Variants in TMPRSS4 observed in about 807,000 individuals in gnomAD.
TMPRSS4 encodes transmembrane serine protease 4.
TMPRSS4 carries 45 observed loss-of-function variants against 56.4 expected under a neutral mutation model. The observed-to-expected ratio is 0.80, with a 90% confidence interval of 0.63 to 1.02. The LOEUF (loss-of-function observed/expected upper bound fraction) is 1.02. Ranked by LOEUF, TMPRSS4 falls within the 50% of genes least tolerant of loss-of-function variation. The pLI is 0.00. For synonymous variants in TMPRSS4, 205 were observed against 211.0 expected (o/e 0.97, Z 0.25); for missense variants, 546 against 556.7 (o/e 0.98, Z 0.19).
chr11:118,099,564 C>T (rs1336515739), intron 3 of TMPRSS4, among the ~76,000 whole-genome samples: 1 of 152,186 alleles, frequency 6.6e-6, no homozygotes, highest in Admixed American at 6.5e-5. Context: ...GAGATGAACT[C>T]AGCCCCCATC....
downstream of TMPRSS4, among the ~76,000 whole-genome samples, chr11:118,125,479 C>A (rs1947870861): frequency 1.3e-5 from 2 of 152,102 alleles, no homozygotes; most frequent in Admixed American, 1.3e-4. Flanking sequence ...TGGGATTGAA[C>A]CCCCAAATAA....
At chr11:118,112,086 G>C (rs774864071) in intron 8 of TMPRSS4, among the ~76,000 whole-genome samples, 186 bp downstream of exon 8, 38 of 152,146 alleles carry the variant, frequency 2.5e-4, no homozygotes, top group Non-Finnish European at 2.9e-5. Flanking sequence ...TGTCTGAGCA[G>C]AGGGTGCTGG....
chr11:118,111,707 T>C, intron 7 of TMPRSS4, 34 bp from the exon 8 acceptor site: 1 of 1,529,708 alleles, frequency 6.5e-7, no homozygotes, highest in South Asian at 1.3e-5. Flanking sequence ...ACAGCCTGAC[T>C]TCCTGCCTCC....
At chr11:118,094,975 G>A (rs993418667) in intron 2 of TMPRSS4, 120 bp downstream of exon 2, 1 of 1,002,234 alleles carries the variant, frequency 1.0e-6, no homozygotes, top group African/African-American at 1.6e-5. Context: ...AGTGCCATGA[G>A]TGACATCCAG....
chr11:118,081,885 C>T (rs1433030619), intron 1 of TMPRSS4, among the ~76,000 whole-genome samples: 1 of 152,202 alleles, frequency 6.6e-6, no homozygotes, highest in African/African-American at 2.4e-5. Context: ...ATAGATGGAA[C>T]AGGAGCAGGG....
At chr11:118,101,758 T>A (rs554407345) in intron 3 of TMPRSS4, among the ~76,000 whole-genome samples, 3 of 152,146 alleles carry the variant, frequency 2.0e-5, no homozygotes, top group Non-Finnish European at 2.9e-5. Flanking sequence ...GGATTACAGG[T>A]GTGAACTACC....
intron 2 of TMPRSS4, among the ~76,000 whole-genome samples, chr11:118,097,809 C>T (rs1252835590): frequency 2.0e-5 from 3 of 152,132 alleles, no homozygotes; most frequent in Non-Finnish European, 2.9e-5. Context: ...TTGCTCTTGT[C>T]GCCCAGGCTG....
Position 118,113,331 on chromosome 11 carries a change from C to T in TMPRSS4, c.806C>T (p.Pro269Leu), listed in dbSNP as rs774010963. 3.7e-6 allele frequency: 6 copies of T among 1,614,046 alleles called. No homozygotes were observed. Among genetic ancestry groups the T allele is most frequent in the Non-Finnish European group, 1.7e-6 (2 of 1,180,036 alleles). The change falls in exon 9 of 13, where the codon CCA (proline) becomes CTA (leucine). Residue 269 changes from proline (P) to leucine (L), a missense_variant. Coordinates refer to ENST00000437212, the MANE Select transcript of TMPRSS4 (RefSeq NM_019894.4). Reference protein sequence around the residue: ...RAGSDKLGSFPSLAVAKIIII... With the variant: ...RAGSDKLGSFLSLAVAKIIII... The stretch of plus-strand genomic sequence containing the variant: ...GGCTCAGACAAACTGGGCAGCTTCC[C>T]ATCCCTGGCTGTGGCCAAGATCATC...
chr11:118,093,961 G>T (rs2135333308), intron 1 of TMPRSS4, among the ~76,000 whole-genome samples: 1 of 152,160 alleles, frequency 6.6e-6, no homozygotes, highest in African/African-American at 2.4e-5. Flanking sequence ...CCATGTCATT[G>T]CACTGAGAAT....
chr11:118,113,514 C>T, intron 9 of TMPRSS4, 79 bp downstream of exon 9: 1 of 1,519,054 alleles, frequency 6.6e-7, no homozygotes, highest in East Asian at 2.3e-5. Flanking sequence ...CACTGACCGC[C>T]CTTGGCACAT....
At chr11:118,115,457 A>C (rs7102937) in intron 11 of TMPRSS4, 177 bp downstream of exon 11, 12 of 691,378 alleles carry the variant, frequency 1.7e-5, no homozygotes, top group Non-Finnish European at 2.8e-5. Context: ...AAGTGTACCA[A>C]TAGATGAGTG....
chr11:118,094,779 G>A, intron 1 of TMPRSS4, 37 bp from the exon 2 acceptor site: 1 of 1,598,472 alleles, frequency 6.3e-7, no homozygotes. Flanking sequence ...AGCCTGAGAG[G>A]CTCCCTGCCT....
intron 1 of TMPRSS4, among the ~76,000 whole-genome samples, chr11:118,091,434 A>T (rs1945954711): frequency 6.6e-6 from 1 of 151,606 alleles, no homozygotes; most frequent in Admixed American, 6.6e-5. Context: ...GTCTCCTCTC[A>T]CCCTGGATTA....
chr11:118,102,479 G>A (rs923634704), intron 3 of TMPRSS4, among the ~76,000 whole-genome samples: 15 of 152,078 alleles, frequency 9.9e-5, no homozygotes, highest in African/African-American at 2.7e-4. Context: ...AGGCCGAGGC[G>A]GGTGGATCAC....
At chr11:118,112,430 T>C (rs1840748711) in intron 8 of TMPRSS4, among the ~76,000 whole-genome samples, 1 of 141,068 alleles carries the variant, frequency 7.1e-6, no homozygotes, top group Non-Finnish European at 1.5e-5. Context: ...TCTTGCTCTG[T>C]TGCTTAGGCT....
In TMPRSS4 at chr11:118,118,082, G is replaced by A. The variant is rs17121760; in HGVS notation, c.*169G>A. On this transcript the variant is annotated 3_prime_UTR_variant, in exon 13 of 13. Coordinates refer to ENST00000437212, the MANE Select transcript of TMPRSS4 (RefSeq NM_019894.4). Reference sequence around the variant, plus strand: ...GCCTCAATTCCTATAAGAGACCCTCGCAGCCCAGAGGCGCCCAGAGGAAGT... The same window carrying A: ...GCCTCAATTCCTATAAGAGACCCTCACAGCCCAGAGGCGCCCAGAGGAAGT... 0.057 allele frequency: 83,886 copies of A among 1,463,146 alleles called. 7,004 individuals carry two copies. Among genetic ancestry groups the A allele is most frequent in the East Asian group, 0.33 (13,475 of 40,414 alleles). The allele number at this position is 1,463,146 out of a possible 1,614,324, so 90.6% of individuals were successfully genotyped here.
chr11:118,077,758 T>TC (rs1015534452), intron 1 of TMPRSS4, among the ~76,000 whole-genome samples: 2 of 151,446 alleles, frequency 1.3e-5, no homozygotes, highest in African/African-American at 4.9e-5. Flanking sequence ...ACGCCTGTAG[T>TC]CCCAGCACTT....
intron 2 of TMPRSS4, 143 bp from the exon 3 acceptor site, chr11:118,098,842 A>C: frequency 1.7e-6 from 1 of 592,160 alleles, no homozygotes; most frequent in African/African-American, 1.8e-5. Flanking sequence ...CCTAGTCTGC[A>C]GGAATAACCC....
At chr11:118,100,763 G>A (rs1946690929) in intron 3 of TMPRSS4, among the ~76,000 whole-genome samples, 1 of 152,204 alleles carries the variant, frequency 6.6e-6, no homozygotes, top group Admixed American at 6.5e-5. Flanking sequence ...TGGAGATAAA[G>A]GGGACCAAAG....
Sources: gnomAD v4.1 joint callset for allele counts (sites outside exome capture counted in the v4.1 genomes callset) on GRCh38, gnomAD v4.1.1 for gene constraint, MANE v1.5 for transcripts, NCBI Gene and HGNC (gene_info 2026-07-23, HGNC 2026-07-21) for gene names.